TENM3: variants seen among roughly 807,000 people sequenced by gnomAD.
The protein encoded by TENM3 is teneurin transmembrane protein 3.
In TENM3, 63 loss-of-function variants were observed where a neutral mutation model predicts 255.1. The ratio of observed to expected loss-of-function variants is 0.25; its 90% CI spans 0.20 to 0.30. The LOEUF (loss-of-function observed/expected upper bound fraction) is 0.30. Among genes scored for constraint, TENM3 ranks in the 10% least tolerant of loss-of-function variants. The pLI, the probability that TENM3 is intolerant of heterozygous loss-of-function variation, is 1.00. For synonymous variants in TENM3, 1,306 were observed against 1,322.3 expected, an observed-to-expected ratio of 0.99 and a Z score of 0.27; for missense variants, 2,929 against 3,461.1, an observed-to-expected ratio of 0.85 and a Z score of 3.86.
At chr4:181,781,679 G>A in the TENM3 span, among the ~76,000 whole-genome samples, 1 of 152,152 alleles carries the variant, frequency 6.6e-6, no homozygotes, top group Non-Finnish European at 1.5e-5. Flanking sequence ...GTGAGAGAGG[G>A]CATCCCTGTC....
rs139603877 is a variant in TENM3, at chr4:182,692,903, G to A, written c.2221+4552G>A. On this transcript the variant is annotated intron_variant, in intron 12 of 27. Coordinates refer to ENST00000511685, the MANE Select transcript of TENM3 (RefSeq NM_001080477.4). ...TATCCTAAAAGATCAAGTCTCTTGT[G>A]TAGTAGCCCTATTTGAAGGACCCCT... Among the ~76,000 whole-genome samples, 951 of 152,076 alleles carry A rather than the reference G, an allele frequency of 6.3e-3. 9 individuals are homozygous for A. The highest frequency in any genetic ancestry group is 0.022 in the African/African-American group (916 of 41,478).
intron 22 of TENM3, among the ~76,000 whole-genome samples, chr4:182,768,611 G>T (rs934978166): frequency 6.6e-6 from 1 of 152,134 alleles, no homozygotes; most frequent in Non-Finnish European, 1.5e-5. Context: ...CTTCACGTCA[G>T]GTTGAATATA....
the TENM3 span, among the ~76,000 whole-genome samples, chr4:181,541,933 G>T: frequency 6.6e-6 from 1 of 152,282 alleles, no homozygotes; most frequent in South Asian, 2.1e-4. Flanking sequence ...ACAGAAATTG[G>T]AAGTTGTGTC....
At chr4:182,317,461 GT>G (rs112656148) in intron 1 of TENM3, among the ~76,000 whole-genome samples, 4 of 150,756 alleles carry the variant, frequency 2.7e-5, no homozygotes, top group African/African-American at 7.3e-5. Context: ...CACTGTGCCT[GT>G]TTTTTTTTGT....
At chr4:181,453,186 T>G in the TENM3 span, among the ~76,000 whole-genome samples, 1 of 152,226 alleles carries the variant, frequency 6.6e-6, no homozygotes, top group Admixed American at 6.5e-5. Flanking sequence ...AAGGGAGTGA[T>G]TGACAAATGA....
At chr4:182,591,871 G>C (rs574461950) in intron 3 of TENM3, among the ~76,000 whole-genome samples, 2 of 152,232 alleles carry the variant, frequency 1.3e-5, no homozygotes, top group South Asian at 2.1e-4. Context: ...GAAAACCCCT[G>C]AATATCTGTT....
the TENM3 span, among the ~76,000 whole-genome samples, chr4:181,852,361 G>A: frequency 5.3e-5 from 8 of 152,204 alleles, no homozygotes; most frequent in Non-Finnish European, 1.0e-4. Context: ...TGAGTGGCAG[G>A]TGCTGGGTTC....
the TENM3 span, among the ~76,000 whole-genome samples, chr4:181,714,649 A>G: frequency 1.3e-5 from 2 of 152,124 alleles, no homozygotes; most frequent in African/African-American, 4.8e-5. Flanking sequence ...AGTGAAATCC[A>G]TTCCTCCCTC....
chr4:181,800,670 G>A, the TENM3 span, among the ~76,000 whole-genome samples: 1 of 152,164 alleles, frequency 6.6e-6, no homozygotes, highest in East Asian at 1.9e-4. Context: ...GAACAGTTCA[G>A]GTGACTTGCT....
the TENM3 span, among the ~76,000 whole-genome samples, chr4:181,652,142 T>TAAAAAAAAAAAAAAAAA: frequency 8.7e-6 from 1 of 114,686 alleles, no homozygotes; most frequent in Non-Finnish European, 1.8e-5. Flanking sequence ...CACTTTGGGG[T>TAAAAAAAAAAAAAAAAA]AAAAAAAAAA....
intron 1 of TENM3, among the ~76,000 whole-genome samples, chr4:182,261,545 A>G (rs2726779): frequency 0.036 from 5,507 of 152,320 alleles, 337 homozygotes; most frequent in African/African-American, 0.13. Flanking sequence ...AGGTGTTTCA[A>G]ATAACAAATG....
At chr4:181,731,847 A>G in the TENM3 span, among the ~76,000 whole-genome samples, 1 of 152,228 alleles carries the variant, frequency 6.6e-6, no homozygotes, top group African/African-American at 2.4e-5. Flanking sequence ...GAGACAAATG[A>G]ACATTTTTAC....
chr4:182,095,852 A>G, the TENM3 span, among the ~76,000 whole-genome samples: 15 of 151,924 alleles, frequency 9.9e-5, no homozygotes, highest in South Asian at 1.9e-3. Flanking sequence ...TATAACTATT[A>G]TATGTCCATA....
the TENM3 span, among the ~76,000 whole-genome samples, chr4:182,055,231 CA>C: frequency 6.6e-6 from 1 of 152,008 alleles, no homozygotes; most frequent in African/African-American, 2.4e-5. Flanking sequence ...CCTATAGTCC[CA>C]GCTACTCAGG....
chr4:182,669,922 G>A lies in TENM3; in HGVS notation c.1112-3083G>A, dbSNP rs143765516. Among the ~76,000 whole-genome samples, 253 of 152,198 alleles carry A rather than the reference G, an allele frequency of 1.7e-3. 1 individual carries two copies. The highest frequency in any genetic ancestry group is 3.4e-3 in the Middle Eastern group (1 of 294). On this transcript the variant is annotated intron_variant, in intron 6 of 27. Coordinates refer to ENST00000511685, the MANE Select transcript of TENM3 (RefSeq NM_001080477.4). ...CTTGGGTGAAACTACCTGTCATATT[G>A]TAGGTTCTCAGTGAAGATTAGTTCC...
chr4:182,255,353 G>A (rs1450094951), intron 1 of TENM3, among the ~76,000 whole-genome samples: 1 of 152,154 alleles, frequency 6.6e-6, no homozygotes, highest in African/African-American at 2.4e-5. Context: ...AACTGTTTTA[G>A]GAAGAAAGCT....
chr4:182,716,517 A>T (rs1023994295), intron 13 of TENM3, among the ~76,000 whole-genome samples: 1 of 152,064 alleles, frequency 6.6e-6, no homozygotes, highest in African/African-American at 2.4e-5. Context: ...CCTGCCTCTA[A>T]CCTAATTTTG....
the TENM3 span, among the ~76,000 whole-genome samples, chr4:181,687,422 TTC>T: frequency 6.6e-6 from 1 of 152,344 alleles, no homozygotes; most frequent in South Asian, 2.1e-4. Context: ...TTTTCTTTTG[TTC>T]TCTTTTCAGC....
At chr4:181,737,834 GA>G in the TENM3 span, among the ~76,000 whole-genome samples, 1 of 151,376 alleles carries the variant, frequency 6.6e-6, no homozygotes, top group Non-Finnish European at 1.5e-5. Flanking sequence ...ATTTTGCACT[GA>G]AAGACACAGT....
Sources: allele counts gnomAD v4.1 joint callset (sites outside exome capture counted in the v4.1 genomes callset), GRCh38; gene constraint gnomAD v4.1.1; transcripts MANE v1.5; gene names NCBI Gene and HGNC (gene_info 2026-07-23, HGNC 2026-07-21).